Variants in FBXL2 observed in about 807,000 individuals in gnomAD.
FBXL2 encodes F-box and leucine rich repeat protein 2.
A neutral mutation model predicts 69.2 loss-of-function variants in FBXL2; 38 were observed. That is an observed-to-expected ratio of 0.55 (90% CI 0.42 to 0.72). The LOEUF is 0.72. Ranked by LOEUF, FBXL2 falls within the 30% of genes least tolerant of loss-of-function variation. The pLI, the probability that FBXL2 is intolerant of heterozygous loss-of-function variation, is 0.00. For missense variants in FBXL2, 354 were observed against 520.3 expected, an observed-to-expected ratio of 0.68 and a Z score of 3.11; for synonymous variants, 192 against 201.3, an observed-to-expected ratio of 0.95 and a Z score of 0.39.
At chr3:33,313,649 T>A (rs777480212) in intron 2 of FBXL2, among the ~76,000 whole-genome samples, 3 of 151,564 alleles carry the variant, frequency 2.0e-5, no homozygotes, top group Non-Finnish European at 2.9e-5. Context: ...GGTCTTATTA[T>A]GTTGCCCAGG....
intron 2 of FBXL2, among the ~76,000 whole-genome samples, chr3:33,305,414 G>T (rs2036626500): frequency 1.3e-5 from 2 of 151,964 alleles, no homozygotes; most frequent in East Asian, 3.9e-4. Context: ...CCTCTGTCAT[G>T]TATTTATGAG....
At chr3:33,278,570 C>A (rs1352007883) in intron 1 of FBXL2, among the ~76,000 whole-genome samples, 1 of 152,102 alleles carries the variant, frequency 6.6e-6, no homozygotes, top group Non-Finnish European at 1.5e-5. Flanking sequence ...CATTAGGAAT[C>A]CTGGCTGGCT....
intron 4 of FBXL2, among the ~76,000 whole-genome samples, chr3:33,361,604 G>C (rs2041633768): frequency 6.6e-6 from 1 of 152,174 alleles, no homozygotes; most frequent in Non-Finnish European, 1.5e-5. Flanking sequence ...TTAGCTGACT[G>C]CTGACTTTCA....
intron 1 of FBXL2, among the ~76,000 whole-genome samples, chr3:33,288,003 G>A (rs2034826720): frequency 6.6e-6 from 1 of 152,136 alleles, no homozygotes; most frequent in Non-Finnish European, 1.5e-5. Flanking sequence ...CTATGGGTTG[G>A]CTACACTTTT....
the FBXL2 span, among the ~76,000 whole-genome samples, chr3:33,418,507 C>G: frequency 6.6e-6 from 1 of 151,942 alleles, no homozygotes; most frequent in Non-Finnish European, 1.5e-5. Flanking sequence ...GATTCACCCG[C>G]CTCAGCCTCC....
intron 2 of FBXL2, among the ~76,000 whole-genome samples, chr3:33,331,475 GTTC>G (rs1169706262): frequency 6.6e-6 from 1 of 152,066 alleles, no homozygotes; most frequent in Non-Finnish European, 1.5e-5. Flanking sequence ...CCCTCCCCCT[GTTC>G]TTCTTAAACA....
At chr3:33,337,714 C>T (rs2125845583) in intron 2 of FBXL2, among the ~76,000 whole-genome samples, 1 of 152,232 alleles carries the variant, frequency 6.6e-6, no homozygotes, top group East Asian at 1.9e-4. Flanking sequence ...ACCTAGAAAA[C>T]CCCATAGTGT....
chr3:33,330,032 C>T (rs2039027930), intron 2 of FBXL2, among the ~76,000 whole-genome samples: 2 of 152,218 alleles, frequency 1.3e-5, no homozygotes, highest in South Asian at 4.1e-4. Flanking sequence ...CCTATAATCC[C>T]AGCACTTTGG....
chr3:33,305,542 T>G (rs1456428272), intron 2 of FBXL2, among the ~76,000 whole-genome samples: 4 of 151,980 alleles, frequency 2.6e-5, no homozygotes, highest in African/African-American at 9.7e-5. Flanking sequence ...TATCTGATTT[T>G]TTTTTGAATT....
downstream of FBXL2, chr3:33,392,447 C>T: frequency 1.1e-6 from 1 of 875,004 alleles, no homozygotes; most frequent in Non-Finnish European, 1.7e-6. Flanking sequence ...ATCAAACTTT[C>T]TTCTTAAAAT....
chr3:33,353,731 T>G (rs1235433417), intron 2 of FBXL2, among the ~76,000 whole-genome samples: 1 of 152,166 alleles, frequency 6.6e-6, no homozygotes, highest in Non-Finnish European at 1.5e-5. Context: ...CAAAAAATTT[T>G]TTTTTCTAAT....
intron 2 of FBXL2, among the ~76,000 whole-genome samples, chr3:33,343,311 T>C (rs976410892): frequency 2.6e-5 from 4 of 152,128 alleles, no homozygotes; most frequent in Admixed American, 6.5e-5. Context: ...CTTGAACATA[T>C]ATGCAGACAC....
chr3:33,382,732 A>G (rs990898310), intron 13 of FBXL2: 19 of 152,334 alleles, frequency 1.2e-4, no homozygotes, highest in African/African-American at 4.6e-4. Context: ...CAATTGCTCC[A>G]CATCCTCACC....
At chr3:33,398,818 C>CT (rs2044111618) in intron 12 of FBXL2, among the ~76,000 whole-genome samples, 1 of 152,204 alleles carries the variant, frequency 6.6e-6, no homozygotes, top group Non-Finnish European at 1.5e-5. Flanking sequence ...ATGTGCTATG[C>CT]TTTTCATCTG....
the FBXL2 span, chr3:33,411,434 G>T: frequency 1.6e-6 from 1 of 641,522 alleles, no homozygotes; most frequent in Non-Finnish European, 2.7e-6. Flanking sequence ...GAACTTACTA[G>T]ATTAAACCTA....
intron 12 of FBXL2, chr3:33,396,677 G>C (rs1205333719): frequency 4.7e-6 from 2 of 428,030 alleles, no homozygotes; most frequent in African/African-American, 4.0e-5. Context: ...TTCACAATTA[G>C]TTTACATTTT....
At chr3:33,317,696 A>G in intron 2 of FBXL2, 1 of 323,174 alleles carries the variant, frequency 3.1e-6, no homozygotes, top group South Asian at 2.7e-5. Context: ...GTGACTTTTA[A>G]CTCCAGCCTC....
At chr3:33,324,407 GTCT>G (rs2038510822) in intron 2 of FBXL2, among the ~76,000 whole-genome samples, 2 of 152,136 alleles carry the variant, frequency 1.3e-5, no homozygotes, top group South Asian at 4.1e-4. Context: ...TATTGCCTAG[GTCT>G]TCTTCTAGGG....
chr3:33,324,834 A>G (rs895702781), intron 2 of FBXL2, among the ~76,000 whole-genome samples: 16 of 152,086 alleles, frequency 1.1e-4, no homozygotes, highest in Non-Finnish European at 1.6e-4. Flanking sequence ...TTCTAATTCT[A>G]TGAAGAAAGT....
Sources: allele counts gnomAD v4.1 joint callset (sites outside exome capture counted in the v4.1 genomes callset), GRCh38; gene constraint gnomAD v4.1.1; transcripts MANE v1.5; gene names NCBI Gene and HGNC (gene_info 2026-07-23, HGNC 2026-07-21).